DOCK5: variants seen among roughly 807,000 people sequenced by gnomAD.
DOCK5 encodes the protein dedicator of cytokinesis 5, also known as dedicator of cytokinesis protein 5.
DOCK5 carries 142 observed loss-of-function variants against 251.8 expected under a neutral mutation model. That is an observed-to-expected ratio of 0.56 (90% CI 0.49 to 0.65). The LOEUF (loss-of-function observed/expected upper bound fraction) is 0.65, where lower values mean the gene tolerates loss of function less well. DOCK5 is among the 30% of genes least tolerant of loss of function. The probability of loss-of-function intolerance (pLI) is 0.00; values close to 1 mark genes in which losing one functional copy is unlikely to be tolerated. For synonymous variants in DOCK5, 842 were observed against 835.5 expected, an observed-to-expected ratio of 1.01 and a Z score of -0.13; for missense variants, 2,111 against 2,312.3, an observed-to-expected ratio of 0.91 and a Z score of 1.79.
intron 1 of DOCK5, among the ~76,000 whole-genome samples, chr8:25,187,363 A>AG (rs1480848846): frequency 1.5e-5 from 2 of 132,936 alleles, no homozygotes; most frequent in African/African-American, 6.5e-5. Flanking sequence ...ATGGGTGGAA[A>AG]TTGTGTGTGT....
intron 8 of DOCK5, 144 bp from the exon 9 acceptor site, chr8:25,300,432 C>T (rs533599003): frequency 4.5e-6 from 3 of 674,050 alleles, no homozygotes; most frequent in Non-Finnish European, 7.4e-6. Flanking sequence ...CAGTTCCCAA[C>T]TCAGCTGTTT....
chr8:25,356,909 A>G (rs7001749), intron 27 of DOCK5, among the ~76,000 whole-genome samples: 2 of 218 alleles, frequency 9.2e-3, no homozygotes, highest in African/African-American at 0.033. Flanking sequence ...TATGAAGATT[A>G]TATATATATA....
chr8:25,372,361 AG>A (rs1212281507), intron 34 of DOCK5, among the ~76,000 whole-genome samples, 197 bp from the exon 35 acceptor site: 10 of 152,218 alleles, frequency 6.6e-5, no homozygotes, highest in African/African-American at 2.4e-4. Context: ...GCGCAGCATA[AG>A]TGAAGGTCAC....
At chr8:25,229,500 C>T (rs1194629621) in intron 1 of DOCK5, among the ~76,000 whole-genome samples, 3 of 151,374 alleles carry the variant, frequency 2.0e-5, no homozygotes, top group Non-Finnish European at 4.4e-5. Flanking sequence ...AAGTGCAGTT[C>T]CGGTGAATTT....
rs1322611010 is a variant in DOCK5, at chr8:25,310,408, C to G, written c.1194C>G (p.Gly398=). The change falls in exon 13 of 52, where the codon GGC becomes GGG. Residue 398 remains glycine, a splice_region_variant and synonymous_variant. Coordinates refer to ENST00000276440, the MANE Select transcript of DOCK5 (RefSeq NM_024940.8). ...AAKEVNHKGQ[G]LWVSLKLLPG... ...CGTTTATCTTTTATTTCTTTTAAGG[C>G]CTTTGGGTATCCTTGAAGCTCTTGC... The G allele has an allele frequency of 8.1e-6, 13 of 1,608,676 alleles. No individual in the cohort carries two copies. The highest frequency in any genetic ancestry group is 1.1e-5 in the Non-Finnish European group (13 of 1,178,368).
intron 5 of DOCK5, among the ~76,000 whole-genome samples, chr8:25,288,670 C>CAAG (rs1804406255): frequency 6.6e-6 from 1 of 152,090 alleles, no homozygotes; most frequent in African/African-American, 2.4e-5. Flanking sequence ...AAATGCGTTG[C>CAAG]AAGAAAGAAA....
At chr8:25,254,806 C>A (rs866017450) in intron 2 of DOCK5, among the ~76,000 whole-genome samples, 7,523 of 58,490 alleles carry the variant, frequency 0.13, 260 homozygotes, top group Non-Finnish European at 0.15. Flanking sequence ...AAAAAAAAAA[C>A]ATTTGATAAA....
intron 5 of DOCK5, among the ~76,000 whole-genome samples, chr8:25,279,345 C>G (rs987535623): frequency 1.1e-4 from 17 of 152,182 alleles, no homozygotes; most frequent in Non-Finnish European, 1.8e-4. Context: ...GAATCAGCAC[C>G]AAGTAAATCT....
chr8:25,330,118 A>G (rs137958398), intron 18 of DOCK5, among the ~76,000 whole-genome samples: 108 of 152,304 alleles, frequency 7.1e-4, no homozygotes, highest in African/African-American at 2.3e-3. Flanking sequence ...TCCAGCAGCT[A>G]TGAGTCAAGT....
At position 25,368,745 on chromosome 8, in the gene DOCK5, G is replaced by A. The variant is rs17198394; in HGVS notation, c.3438+20G>A. 153,661 of 1,604,012 alleles carry A rather than the reference G, an allele frequency of 0.096. 7,698 individuals are homozygous for A. Among genetic ancestry groups the A allele is most frequent in the Middle Eastern group, 0.13 (801 of 5,996 alleles). On this transcript the variant is annotated intron_variant, in intron 33 of 51. Transcript: ENST00000276440. ...CATATGGTAAGAAGTGGCAGACCGC[G>A]TAATATTAGTAAATGGACATATAGT...
intron 28 of DOCK5, among the ~76,000 whole-genome samples, chr8:25,359,380 A>G (rs2117264421): frequency 3.1e-5 from 1 of 32,382 alleles, no homozygotes; most frequent in East Asian, 6.9e-4. Context: ...TGGTACAGTA[A>G]CTACTCATGG....
chr8:25,263,866 G>T (rs929082686), intron 2 of DOCK5, among the ~76,000 whole-genome samples: 7 of 151,884 alleles, frequency 4.6e-5, no homozygotes, highest in Admixed American at 3.3e-4. Context: ...GCCCAGGAGG[G>T]ACGGCAGAAG....
intron 18 of DOCK5, among the ~76,000 whole-genome samples, chr8:25,330,310 T>C (rs1805653873): frequency 6.6e-6 from 1 of 152,190 alleles, no homozygotes; most frequent in South Asian, 2.1e-4. Context: ...AAACATGTAT[T>C]GAACACCTAA....
intron 22 of DOCK5, among the ~76,000 whole-genome samples, chr8:25,337,624 C>T (rs1430951937): frequency 6.4e-5 from 9 of 140,826 alleles, no homozygotes; most frequent in African/African-American, 1.9e-4. Context: ...CTTGCTCTGT[C>T]GCCCAGGCTG....
rs775584261 is a variant in DOCK5, at chr8:25,302,419, A to G, written c.941A>G (p.His314Arg). ...ATGGAGCTGAAGGAAGGCAAGAAGC[A>G]CACCTGTGGACTCCGAAGACCTTTT... ...GHMELKEGKK[H>R]TCGLRRPFGV... The change falls in exon 10 of 52, where the codon CAC becomes CGC. Residue 314 changes from histidine (H) to arginine (R), a missense_variant. This residue lies in a region of DOCK5 where 59 missense variants were observed against 95.0 expected (regional missense o/e 0.62). Coordinates refer to ENST00000276440, the MANE Select transcript of DOCK5 (RefSeq NM_024940.8). 6.5e-5 allele frequency: 103 copies of G among 1,591,402 alleles called. No individual in the cohort carries two copies. In the Admixed American group the frequency reaches 1.8e-3, roughly 27 times the overall value.
chr8:25,283,197 C>A (rs1276440445), intron 5 of DOCK5, among the ~76,000 whole-genome samples: 1 of 152,108 alleles, frequency 6.6e-6, no homozygotes, highest in African/African-American at 2.4e-5. Flanking sequence ...ATGGAGAGAA[C>A]AGATGACTCC....
At chr8:25,268,707 C>T (rs2117598829) in intron 2 of DOCK5, 138 bp from the exon 3 acceptor site, 5 of 668,586 alleles carry the variant, frequency 7.5e-6, no homozygotes, top group Middle Eastern at 8.2e-4. Context: ...AAACATTCAT[C>T]TTCTAACGTA....
chr8:25,215,894 A>G (rs1277312748), intron 1 of DOCK5, among the ~76,000 whole-genome samples: 2 of 151,204 alleles, frequency 1.3e-5, no homozygotes, highest in Admixed American at 6.6e-5. Context: ...AACACCTCTC[A>G]GATTTTTTTC....
rs1398847853 is a variant in DOCK5 at position 25,209,601 on chromosome 8, C to T, written c.43+24650C>T. On this transcript the variant is annotated intron_variant, in intron 1 of 51. Transcript: ENST00000276440. ...TTTCCACAGAAAATGGTGCATATGTCTGTCGATGACATTTCACATACAACT... is the reference window on the plus strand; with the variant it reads ...TTTCCACAGAAAATGGTGCATATGTTTGTCGATGACATTTCACATACAACT... 2.8e-5 allele frequency among the ~76,000 whole-genome samples: 2 copies of T among 70,954 alleles called. 1 individual carries two copies. The highest frequency in any genetic ancestry group is 6.2e-4 in the East Asian group (2 of 3,210). The allele number at this position is 70,954 out of a possible 152,430, so 46.5% of individuals were successfully genotyped here.
Sources: gnomAD v4.1 joint callset for allele counts (sites outside exome capture counted in the v4.1 genomes callset) on GRCh38, gnomAD v4.1.1 for gene constraint, gnomAD v4.1.1 regional missense constraint, MANE v1.5 for transcripts, NCBI Gene and HGNC (gene_info 2026-07-23, HGNC 2026-07-21) for gene names.